ACSS3: variants seen among roughly 807,000 people sequenced by gnomAD.
ACSS3 encodes the protein acyl-CoA synthetase short chain family member 3.
Under a neutral mutation model 84.2 loss-of-function variants are expected in ACSS3, and 64 were observed. The ratio of observed to expected loss-of-function variants is 0.76; its 90% CI spans 0.62 to 0.94. ACSS3 has a LOEUF of 0.94. Ranked by LOEUF, ACSS3 falls within the 40% of genes least tolerant of loss-of-function variation. ACSS3 has a pLI of 0.00. For missense variants in ACSS3, 815 were observed against 867.6 expected, an observed-to-expected ratio of 0.94 and a Z score of 0.76; for synonymous variants, 317 against 310.1, an observed-to-expected ratio of 1.02 and a Z score of -0.23.
intron 5 of ACSS3, among the ~76,000 whole-genome samples, chr12:81,144,086 C>G (rs1346295698): frequency 1.3e-5 from 2 of 152,160 alleles, no homozygotes; most frequent in African/African-American, 4.8e-5. Context: ...TGTTAGATTG[C>G]TATAGCATCA....
At chr12:81,147,712 C>A (rs551518750) in intron 5 of ACSS3, among the ~76,000 whole-genome samples, 2 of 152,246 alleles carry the variant, frequency 1.3e-5, no homozygotes, top group South Asian at 4.1e-4. Context: ...ACTGTCAAAA[C>A]AAGGTTTAGT....
intron 1 of ACSS3, among the ~76,000 whole-genome samples, chr12:81,080,226 A>G (rs1415744589): frequency 1.3e-5 from 2 of 152,138 alleles, no homozygotes; most frequent in African/African-American, 4.8e-5. Flanking sequence ...CGAGAGGACA[A>G]TTAGGGATCA....
At chr12:81,254,724 C>A in intron 15 of ACSS3, 133 bp from the exon 16 acceptor site, 1 of 631,748 alleles carries the variant, frequency 1.6e-6, no homozygotes, top group Non-Finnish European at 2.6e-6. Context: ...GTTCAAAGTT[C>A]CCTATTTTTA....
intron 13 of ACSS3, among the ~76,000 whole-genome samples, chr12:81,242,295 A>G (rs2033832524): frequency 6.6e-6 from 1 of 152,200 alleles, no homozygotes; most frequent in South Asian, 2.1e-4. Flanking sequence ...ACACTCTCGC[A>G]AGACCAAACC....
chr12:81,136,970 G>A (rs1458963265), intron 3 of ACSS3, among the ~76,000 whole-genome samples: 1 of 152,072 alleles, frequency 6.6e-6, no homozygotes, highest in Non-Finnish European at 1.5e-5. Flanking sequence ...AGTTTTACAA[G>A]CCCAAGATGA....
intron 9 of ACSS3, 190 bp downstream of exon 9, chr12:81,199,634 G>A (rs1437589451): frequency 5.3e-6 from 8 of 1,496,722 alleles, no homozygotes; most frequent in Non-Finnish European, 7.1e-6. Flanking sequence ...AAGTGACATT[G>A]ATGCCACCAT....
At chr12:81,220,197 G>A (rs1409583944) in intron 11 of ACSS3, 121 bp downstream of exon 11, 2 of 479,138 alleles carry the variant, frequency 4.2e-6, no homozygotes, top group Non-Finnish European at 7.3e-6. Flanking sequence ...CTTGTGTGTT[G>A]CTTAAGAACT....
chr12:81,151,778 C>A, intron 5 of ACSS3, 66 bp from the exon 6 acceptor site: 2 of 1,389,648 alleles, frequency 1.4e-6, no homozygotes, highest in Non-Finnish European at 2.0e-6. Flanking sequence ...AAAGTGGATG[C>A]TATGAAGATA....
intron 13 of ACSS3, 40 bp downstream of exon 13, chr12:81,233,511 A>G (rs1244552669): frequency 3.7e-6 from 6 of 1,607,000 alleles, no homozygotes; most frequent in Non-Finnish European, 5.1e-6. Context: ...AGTAGTGCTT[A>G]GGCACAGAGC....
rs143727292 is a variant in ACSS3 at position 81,118,984 on chromosome 12, G to A, written c.456+9280G>A. Among the ~76,000 whole-genome samples, 161 of 152,238 alleles carry A rather than the reference G, an allele frequency of 1.1e-3. 1 individual carries two copies. The highest frequency in any genetic ancestry group is 3.7e-3 in the African/African-American group (155 of 41,554). ...GCAGTTCAGAGAAGGCTTCACTATT[G>A]GGGGAACCCACCCCCGATATTTCGT... is the stretch of plus-strand genomic sequence containing the variant. On this transcript the variant is annotated intron_variant, in intron 2 of 15. Transcript: ENST00000548058.
intron 10 of ACSS3, among the ~76,000 whole-genome samples, chr12:81,217,672 G>C (rs868172769): frequency 1.3e-5 from 2 of 151,836 alleles, no homozygotes; most frequent in African/African-American, 2.4e-5. Flanking sequence ...GTGAAACCTC[G>C]TCTCTACTAA....
chr12:81,250,306 AT>A (rs2034111195), intron 13 of ACSS3, among the ~76,000 whole-genome samples: 1 of 152,106 alleles, frequency 6.6e-6, no homozygotes, highest in Non-Finnish European at 1.5e-5. Context: ...CCTTTATGGC[AT>A]TTTAAAAACT....
At chr12:81,147,466 A>G (rs149216382) in intron 5 of ACSS3, among the ~76,000 whole-genome samples, 5 of 152,322 alleles carry the variant, frequency 3.3e-5, no homozygotes, top group Non-Finnish European at 7.4e-5. Flanking sequence ...AGTGGTGGAG[A>G]AGGCACAGCA....
Position 81,134,925 on chromosome 12 carries a change from C to G in ACSS3, c.566C>G (p.Ala189Gly). Residue 189 changes from alanine (A) to glycine (G), a missense_variant, in exon 3 of 16, where the codon GCA becomes GGA. Coordinates refer to ENST00000548058, the MANE Select transcript of ACSS3 (RefSeq NM_024560.4). ...GCGATGTATACCATGTTGGCATGTG[C>G]AAGGATAGGTGCCATCCACAGTCTC... ...PQAMYTMLAC[A>G]RIGAIHSLIF... 1 of 1,607,838 alleles carries G rather than the reference C, an allele frequency of 6.2e-7. No homozygotes were observed. The highest frequency in any genetic ancestry group is 8.5e-7 in the Non-Finnish European group (1 of 1,176,706).
intron 7 of ACSS3, among the ~76,000 whole-genome samples, chr12:81,161,043 A>G (rs1887121682): frequency 6.6e-6 from 1 of 152,240 alleles, no homozygotes; most frequent in African/African-American, 2.4e-5. Context: ...TCAAAAACAC[A>G]AATGTATTAT....
chr12:81,212,529 A>G (rs971546395), intron 9 of ACSS3, among the ~76,000 whole-genome samples: 2 of 152,200 alleles, frequency 1.3e-5, no homozygotes, highest in Non-Finnish European at 2.9e-5. Context: ...TGAAAGAACT[A>G]TGAAAACTAG....
intron 13 of ACSS3, among the ~76,000 whole-genome samples, chr12:81,234,166 G>T (rs1473269267): frequency 4.6e-5 from 7 of 151,368 alleles, no homozygotes; most frequent in African/African-American, 1.7e-4. Context: ...CTTTGAGACT[G>T]GGTTATTTCA....
At position 81,256,758 on chromosome 12, in the gene ACSS3, A is replaced by G. The variant is rs1565749473; in HGVS notation, c.*1836A>G. On this transcript the variant is annotated 3_prime_UTR_variant, in exon 16 of 16. Coordinates refer to ENST00000548058, the MANE Select transcript of ACSS3 (RefSeq NM_024560.4). Reference sequence around the variant, plus strand: ...GCAAAATAAATGGCTTCTCAAAGTAAATTCCTATTTACTTAAATTGCCTTC... The same window carrying G: ...GCAAAATAAATGGCTTCTCAAAGTAGATTCCTATTTACTTAAATTGCCTTC... 1 of 152,292 alleles carries G rather than the reference A, an allele frequency of 6.6e-6. No individual in the cohort carries two copies. The highest frequency in any genetic ancestry group is 3.4e-3 in the Middle Eastern group (1 of 294). The allele number at this position is 152,292 out of a possible 1,614,324, so 9.4% of individuals were successfully genotyped here. A position where few individuals can be genotyped will look rare whatever the true frequency, so the allele number is the denominator to read the frequency against.
At chr12:81,156,546 C>G (rs1886880067) in intron 7 of ACSS3, among the ~76,000 whole-genome samples, 1 of 152,076 alleles carries the variant, frequency 6.6e-6, no homozygotes, top group Non-Finnish European at 1.5e-5. Flanking sequence ...GGACAAACCT[C>G]TACAAGCCTA....
Sources: gnomAD v4.1 joint callset for allele counts (sites outside exome capture counted in the v4.1 genomes callset) on GRCh38, gnomAD v4.1.1 for gene constraint, MANE v1.5 for transcripts, NCBI Gene and HGNC (gene_info 2026-07-23, HGNC 2026-07-21) for gene names.